The following DPP10 variants were observed in gnomAD, a reference collection of about 807,000 sequenced individuals.
The protein encoded by DPP10 is dipeptidyl peptidase like 10, also known as inactive dipeptidyl peptidase 10.
Under a neutral mutation model 120.9 loss-of-function variants are expected in DPP10, and 33 were observed. The ratio of observed to expected loss-of-function variants is 0.27; its 90% CI spans 0.21 to 0.37. DPP10 has a LOEUF of 0.37. DPP10 is among the 10% of genes least tolerant of loss of function. The pLI, the probability that DPP10 is intolerant of heterozygous loss-of-function variation, is 1.00. For missense variants in DPP10, 816 were observed against 942.8 expected, an observed-to-expected ratio of 0.87 and a Z score of 1.76; for synonymous variants, 337 against 326.1, an observed-to-expected ratio of 1.03 and a Z score of -0.36.
At chr2:114,957,150 T>C (rs2104688116) in intron 1 of DPP10, among the ~76,000 whole-genome samples, 1 of 151,792 alleles carries the variant, frequency 6.6e-6, no homozygotes, top group Admixed American at 6.6e-5. Context: ...AACCCAGGAA[T>C]TGGGAGAAAA....
chr2:115,280,346 T>G (rs2105870363), intron 1 of DPP10, among the ~76,000 whole-genome samples: 1 of 152,286 alleles, frequency 6.6e-6, no homozygotes, highest in South Asian at 2.1e-4. Context: ...ATTGGAAGCC[T>G]TGAATATGAG....
intron 1 of DPP10, among the ~76,000 whole-genome samples, chr2:114,495,285 A>G (rs1682415518): frequency 6.6e-6 from 1 of 152,184 alleles, no homozygotes; most frequent in Non-Finnish European, 1.5e-5. Flanking sequence ...AAGTCCATTA[A>G]TTCAGAACTC....
At chr2:115,597,233 T>C (rs1653417824) in intron 5 of DPP10, among the ~76,000 whole-genome samples, 1 of 152,100 alleles carries the variant, frequency 6.6e-6, no homozygotes. Context: ...GTCAGCACAC[T>C]CTATAATCAG....
intron 1 of DPP10, among the ~76,000 whole-genome samples, chr2:114,588,459 C>T (rs2105138887): frequency 1.3e-5 from 2 of 152,216 alleles, no homozygotes; most frequent in Middle Eastern, 6.8e-3. Context: ...TGCAGGATGA[C>T]TATAGTTAAC....
At chr2:115,523,295 C>T (rs1201278277) in intron 4 of DPP10, among the ~76,000 whole-genome samples, 2 of 144,578 alleles carry the variant, frequency 1.4e-5, no homozygotes, top group East Asian at 4.1e-4. Context: ...CCTGTGAAAG[C>T]GTGAAGTTAA....
intron 1 of DPP10, among the ~76,000 whole-genome samples, chr2:114,556,283 T>C (rs1235733359): frequency 2.5e-5 from 3 of 118,198 alleles, no homozygotes; most frequent in Admixed American, 1.9e-4. Flanking sequence ...AAATAATAGA[T>C]GATAGATGAG....
At chr2:115,722,184 A>G (rs1173696835) in intron 7 of DPP10, among the ~76,000 whole-genome samples, 2 of 152,090 alleles carry the variant, frequency 1.3e-5, no homozygotes, top group Non-Finnish European at 2.9e-5. Flanking sequence ...GCTGGACAAC[A>G]TTATACCTAC....
chr2:115,151,438 G>T, intron 1 of DPP10, among the ~76,000 whole-genome samples: 1 of 145,418 alleles, frequency 6.9e-6, no homozygotes, highest in South Asian at 2.2e-4. Flanking sequence ...TTGAGACAGA[G>T]TCTTGCACTG....
intron 1 of DPP10, among the ~76,000 whole-genome samples, chr2:114,589,163 C>T (rs367622679): frequency 1.3e-5 from 2 of 152,056 alleles, no homozygotes; most frequent in Admixed American, 6.6e-5. Context: ...TTTCTTGAAC[C>T]GGGCATTCCA....
chr2:114,886,129 T>C (rs189073396), intron 1 of DPP10, among the ~76,000 whole-genome samples: 7 of 152,260 alleles, frequency 4.6e-5, no homozygotes, highest in Non-Finnish European at 8.8e-5. Flanking sequence ...TGAGGGGAGA[T>C]GAAATAACAT....
intron 19 of DPP10, among the ~76,000 whole-genome samples, chr2:115,800,487 A>G (rs374470476): frequency 4.6e-5 from 7 of 151,950 alleles, no homozygotes; most frequent in Non-Finnish European, 7.4e-5. Context: ...TGCTTTTGGT[A>G]TTTTAGACAT....
chr2:115,424,714 A>G (rs988093081), intron 3 of DPP10, among the ~76,000 whole-genome samples: 1 of 152,150 alleles, frequency 6.6e-6, no homozygotes, highest in African/African-American at 2.4e-5. Context: ...CACTTGTACA[A>G]TGGGATGATT....
At chr2:115,162,396 G>A (rs1015834310) in intron 1 of DPP10, 27 of 1,285,970 alleles carry the variant, frequency 2.1e-5, no homozygotes, top group Non-Finnish European at 2.7e-5. Flanking sequence ...AATCTGCTGC[G>A]CTCCTGACGG....
chr2:115,569,613 T>C (rs1016408486), intron 5 of DPP10, among the ~76,000 whole-genome samples: 1 of 152,224 alleles, frequency 6.6e-6, no homozygotes, highest in Admixed American at 6.5e-5. Context: ...GCGAGAATTA[T>C]ATGATCCAAA....
At chr2:115,420,571 G>T (rs1354206802) in intron 3 of DPP10, among the ~76,000 whole-genome samples, 2 of 152,190 alleles carry the variant, frequency 1.3e-5, no homozygotes, top group African/African-American at 4.8e-5. Context: ...GGCACAATGA[G>T]TGATCCTAAA....
chr2:114,833,165 A>G (rs1379389910), intron 1 of DPP10, among the ~76,000 whole-genome samples: 1 of 152,096 alleles, frequency 6.6e-6, no homozygotes, highest in Non-Finnish European at 1.5e-5. Flanking sequence ...TTTTGTAATA[A>G]TATCACATTG....
intron 1 of DPP10, among the ~76,000 whole-genome samples, chr2:115,014,354 G>A (rs1436760721): frequency 1.3e-5 from 2 of 152,140 alleles, no homozygotes; most frequent in Non-Finnish European, 2.9e-5. Flanking sequence ...ATAGTTTAGA[G>A]GGAAATTTAC....
chr2:115,620,182 A>T (rs2084840744), intron 5 of DPP10, among the ~76,000 whole-genome samples: 1 of 152,136 alleles, frequency 6.6e-6, no homozygotes, highest in Non-Finnish European at 1.5e-5. Flanking sequence ...CTGTCATCTA[A>T]TCACTCACTG....
chr2:115,810,421 A>G (rs570439494), intron 19 of DPP10, among the ~76,000 whole-genome samples: 6 of 152,130 alleles, frequency 3.9e-5, no homozygotes, highest in Admixed American at 6.6e-5. Context: ...ACTTTAATCC[A>G]GTTTTGGTAT....
Sources: gnomAD v4.1 joint callset for allele counts (sites outside exome capture counted in the v4.1 genomes callset) on GRCh38, gnomAD v4.1.1 for gene constraint, MANE v1.5 for transcripts, NCBI Gene and HGNC (gene_info 2026-07-23, HGNC 2026-07-21) for gene names.